Variants in ADGRG6 observed in about 807,000 individuals in gnomAD.
The protein encoded by ADGRG6 is adhesion G protein-coupled receptor G6, also known as G-protein coupled receptor 126.
In ADGRG6, 84 loss-of-function variants were observed where a neutral mutation model predicts 142.4. The observed-to-expected ratio is 0.59, with a 90% CI of 0.49 to 0.71. The LOEUF (loss-of-function observed/expected upper bound fraction) is 0.71. Ranked by LOEUF, ADGRG6 falls within the 30% of genes least tolerant of loss-of-function variation. The probability of loss-of-function intolerance (pLI) is 0.00; values close to 1 mark genes in which losing one functional copy is unlikely to be tolerated. For missense variants in ADGRG6, 1,367 were observed against 1,466.6 expected, an observed-to-expected ratio of 0.93 and a Z score of 1.11; for synonymous variants, 521 against 520.5, an observed-to-expected ratio of 1.00 and a Z score of -0.01.
rs1777849266 is a variant in ADGRG6, at chr6:142,443,385, G to C, written c.3623G>C (p.Gly1208Ala). 6.2e-7 allele frequency: 1 copy of C among 1,612,544 alleles called. No homozygotes were observed. The highest frequency in any genetic ancestry group is 1.7e-4 in the Middle Eastern group (1 of 6,054). ...TTGTCAAAACTGGCCCATGCTGATG[G>C]AGATCAAACATCAATCATCCCTGTC... is the stretch of plus-strand genomic sequence containing the variant. Reference protein sequence around the residue: ...KSLSKLAHADGDQTSIIPVHQ... With the variant: ...KSLSKLAHADADQTSIIPVHQ... The change falls in exon 25 of 25, where the codon GGA becomes GCA. Residue 1208 changes from glycine to alanine, a missense_variant. Coordinates refer to ENST00000367609, the MANE Select transcript of ADGRG6 (RefSeq NM_198569.3).
chr6:142,323,526 A>G (rs185828968), intron 2 of ADGRG6, among the ~76,000 whole-genome samples: 105 of 152,288 alleles, frequency 6.9e-4, no homozygotes, highest in African/African-American at 2.2e-3. Flanking sequence ...GACAGTCCAC[A>G]TATATGACAG....
intron 22 of ADGRG6, among the ~76,000 whole-genome samples, chr6:142,421,121 G>T (rs1384142934): frequency 6.6e-6 from 1 of 152,176 alleles, no homozygotes; most frequent in Non-Finnish European, 1.5e-5. Context: ...AAGAAAGTCT[G>T]TAGTTATCTG....
At chr6:142,415,651 C>T in intron 19 of ADGRG6, 145 bp from the exon 20 acceptor site, 1 of 599,928 alleles carries the variant, frequency 1.7e-6, no homozygotes, top group Non-Finnish European at 2.9e-6. Flanking sequence ...ATCCTTAGCC[C>T]CTCCTTTTAG....
At position 142,397,722 on chromosome 6, in the gene ADGRG6, T is replaced by C; in HGVS notation, c.1534T>C (p.Leu512=). Residue 512 remains leucine (L), a synonymous_variant, in exon 10 of 25, where the codon TTG becomes CTG. Transcript: ENST00000367609. Reference sequence around the variant, plus strand: ...AAATAATGAGTCCTTGGATGAAGGCTTGAGGCTACATACAGTGAATGTGAG... The same window carrying C: ...AAATAATGAGTCCTTGGATGAAGGCCTGAGGCTACATACAGTGAATGTGAG... ...LKNNESLDEG[L]RLHTVNVRQL... The C allele has an allele frequency of 6.2e-7, 1 of 1,605,664 alleles. No individual in the cohort carries two copies. The highest frequency in any genetic ancestry group is 1.7e-5 in the Admixed American group (1 of 58,282).
intron 2 of ADGRG6, among the ~76,000 whole-genome samples, chr6:142,348,736 A>G (rs1780024491): frequency 6.6e-6 from 1 of 152,064 alleles, no homozygotes; most frequent in Admixed American, 6.6e-5. Flanking sequence ...TCAGCAATCT[A>G]CCTTGATTGG....
At chr6:142,427,180 T>C (rs913233044) in intron 22 of ADGRG6, among the ~76,000 whole-genome samples, 10 of 152,168 alleles carry the variant, frequency 6.6e-5, no homozygotes, top group Non-Finnish European at 1.5e-5. Context: ...GGCTGCAAAT[T>C]TTCCAAACTT....
intron 4 of ADGRG6, among the ~76,000 whole-genome samples, chr6:142,374,033 C>G (rs574529882): frequency 2.9e-4 from 44 of 152,066 alleles, no homozygotes; most frequent in Admixed American, 5.9e-4. Context: ...TTAATTGGAA[C>G]ACAGCCATGC....
chr6:142,437,277 T>C (rs1777528348), intron 22 of ADGRG6, among the ~76,000 whole-genome samples, 157 bp from the exon 23 acceptor site: 1 of 152,198 alleles, frequency 6.6e-6, no homozygotes, highest in Admixed American at 6.5e-5. Flanking sequence ...GATTAAAGTG[T>C]CTGCTACATA....
intron 23 of ADGRG6, 139 bp from the exon 24 acceptor site, chr6:142,438,073 T>C (rs1777574295): frequency 1.8e-6 from 1 of 560,216 alleles, no homozygotes; most frequent in South Asian, 2.6e-5. Flanking sequence ...ATTGTTTACA[T>C]GTCAGTCTCT....
intron 10 of ADGRG6, among the ~76,000 whole-genome samples, chr6:142,398,505 C>A (rs1040122253): frequency 7.2e-5 from 11 of 152,168 alleles, no homozygotes; most frequent in Non-Finnish European, 1.5e-4. Flanking sequence ...AGGACTAGGT[C>A]ATGAATGTAG....
chr6:142,394,282 C>CTTTAAATAAAG (rs1258122370), intron 9 of ADGRG6, among the ~76,000 whole-genome samples: 32 of 152,168 alleles, frequency 2.1e-4, no homozygotes, highest in Non-Finnish European at 4.0e-4. Context: ...AAGAAAATAG[C>CTTTAAATAAAG]TTTAAATAAA....
chr6:142,406,863 A>G (rs928261397), intron 15 of ADGRG6, among the ~76,000 whole-genome samples: 1 of 152,222 alleles, frequency 6.6e-6, no homozygotes, highest in African/African-American at 2.4e-5. Context: ...ATAAAAATGC[A>G]GCAAAACATG....
chr6:142,423,713 AT>A (rs1776785453), intron 22 of ADGRG6, among the ~76,000 whole-genome samples: 1 of 118,950 alleles, frequency 8.4e-6, no homozygotes, highest in East Asian at 2.6e-4. Flanking sequence ...GAAGAAAGTC[AT>A]TGGTAGCTTG....
chr6:142,375,542 T>C (rs995644570), intron 4 of ADGRG6, among the ~76,000 whole-genome samples: 1 of 152,200 alleles, frequency 6.6e-6, no homozygotes, highest in Non-Finnish European at 1.5e-5. Flanking sequence ...GCTTGTTAGC[T>C]AAGCAAATCT....
rs190905447 is a variant in ADGRG6, at chr6:142,391,403, G to C, written c.1308+1060G>C. 5.5e-5 allele frequency among the ~76,000 whole-genome samples: 8 copies of C among 145,460 alleles called. No homozygotes were observed. In the East Asian group the frequency reaches 1.4e-3, roughly 26 times the overall value. On this transcript the variant is annotated intron_variant, in intron 7 of 24. Coordinates refer to ENST00000367609, the MANE Select transcript of ADGRG6 (RefSeq NM_198569.3). ...GATAAACGTGTCTTTGGTAGCAAAA[G>C]AAAGTTTACGCATTGAGAGGAAGTG...
intron 1 of ADGRG6, among the ~76,000 whole-genome samples, chr6:142,305,534 A>G (rs1043017635): frequency 6.6e-6 from 1 of 151,826 alleles, no homozygotes; most frequent in Admixed American, 6.6e-5. Context: ...TAATTTTTCA[A>G]TTGAAATTTT....
In ADGRG6 at chr6:142,343,388, A is replaced by T. The variant is rs546705797; in HGVS notation, c.104-24181A>T. ...AATAACATGCAGAAAAAAATTACAT[A>T]TATTTTTAATAATAATGAGTAGGGA... On this transcript the variant is annotated intron_variant, in intron 2 of 24. Coordinates refer to ENST00000367609, the MANE Select transcript of ADGRG6 (RefSeq NM_198569.3). 7.9e-5 allele frequency among the ~76,000 whole-genome samples: 12 copies of T among 151,874 alleles called. No individual in the cohort carries two copies. In the East Asian group the frequency reaches 2.1e-3, roughly 27 times the overall value.
At chr6:142,331,132 A>C (rs1779036511) in intron 2 of ADGRG6, among the ~76,000 whole-genome samples, 1 of 146,928 alleles carries the variant, frequency 6.8e-6, no homozygotes, top group Non-Finnish European at 1.5e-5. Flanking sequence ...GGTAGAAAAG[A>C]GTTAAAAAAA....
chr6:142,346,238 A>G (rs1779893765), intron 2 of ADGRG6, among the ~76,000 whole-genome samples: 1 of 152,144 alleles, frequency 6.6e-6, no homozygotes, highest in African/African-American at 2.4e-5. Flanking sequence ...TTCGTCCATA[A>G]TGGTCGAACT....
Sources: allele counts gnomAD v4.1 joint callset (sites outside exome capture counted in the v4.1 genomes callset), GRCh38; gene constraint gnomAD v4.1.1; transcripts MANE v1.5; gene names NCBI Gene and HGNC (gene_info 2026-07-23, HGNC 2026-07-21).